Variants in HS3ST5 observed in about 807,000 individuals in gnomAD.
HS3ST5 encodes the protein heparan sulfate-glucosamine 3-sulfotransferase 5.
In HS3ST5, 10 loss-of-function variants were observed where a neutral mutation model predicts 25.4. That is an observed-to-expected ratio of 0.39 (90% CI 0.24 to 0.67). The LOEUF (loss-of-function observed/expected upper bound fraction) is 0.67. Among genes scored for constraint, HS3ST5 ranks in the 30% least tolerant of loss-of-function variants. HS3ST5 has a pLI of 0.44. For synonymous variants in HS3ST5, 170 were observed against 162.4 expected, an observed-to-expected ratio of 1.05 and a Z score of -0.36; for missense variants, 324 against 420.7, an observed-to-expected ratio of 0.77 and a Z score of 2.01.
intron 1 of HS3ST5, among the ~76,000 whole-genome samples, chr6:114,281,223 A>G (rs1774094466): frequency 6.6e-6 from 1 of 151,994 alleles, no homozygotes; most frequent in Non-Finnish European, 1.5e-5. Context: ...CCGTAGTATA[A>G]CTTACATAAT....
At chr6:114,210,975 C>T (rs796823659) in intron 2 of HS3ST5, among the ~76,000 whole-genome samples, 14 of 152,288 alleles carry the variant, frequency 9.2e-5, no homozygotes, top group African/African-American at 3.4e-4. Context: ...ACTCCTCAAC[C>T]CTTTTATAAT....
At chr6:114,088,475 ACCT>A (rs200865909) in intron 3 of HS3ST5, among the ~76,000 whole-genome samples, 2,108 of 150,978 alleles carry the variant, frequency 0.014, 50 homozygotes, top group African/African-American at 0.049. Context: ...ACTGGAAGAA[ACCT>A]CCTCTGATCC....
chr6:114,231,903 G>C (rs1450983816), intron 1 of HS3ST5, among the ~76,000 whole-genome samples: 1 of 152,018 alleles, frequency 6.6e-6, no homozygotes, highest in Non-Finnish European at 1.5e-5. Context: ...ACAGAGCTGA[G>C]AAACAGAAAA....
chr6:114,107,187 A>G (rs1776037527), intron 3 of HS3ST5, among the ~76,000 whole-genome samples: 2 of 152,186 alleles, frequency 1.3e-5, no homozygotes, highest in South Asian at 2.1e-4. Context: ...AACATTTAAA[A>G]AATAATTCAT....
intron 1 of HS3ST5, among the ~76,000 whole-genome samples, chr6:114,304,058 A>C (rs1048124910): frequency 1.3e-5 from 2 of 152,116 alleles, no homozygotes; most frequent in African/African-American, 4.8e-5. Flanking sequence ...TTTCTCTGTA[A>C]CTGATACAAA....
chr6:114,194,293 G>T (rs144621872), intron 2 of HS3ST5, among the ~76,000 whole-genome samples: 1 of 152,046 alleles, frequency 6.6e-6, no homozygotes. Flanking sequence ...TGATCACTTC[G>T]TAAATAAAAA....
chr6:114,246,157 C>G (rs189565363), intron 1 of HS3ST5, among the ~76,000 whole-genome samples: 285 of 152,274 alleles, frequency 1.9e-3, no homozygotes, highest in African/African-American at 6.0e-3. Flanking sequence ...ATTATATTCT[C>G]TGTGAATAAA....
At position 114,262,738 on chromosome 6, in the gene HS3ST5, G is replaced by A. The variant is rs556637120; in HGVS notation, c.-338-33960C>T. On this transcript the variant is annotated intron_variant, in intron 1 of 4. Coordinates refer to ENST00000312719, the MANE Select transcript of HS3ST5 (RefSeq NM_153612.4). ...ATAATATTTAACAATAAAGATAAAA[G>A]CAAAAGGAACTTAAAAACTCAATTA... Among the ~76,000 whole-genome samples, 11 of 152,004 alleles carry A rather than the reference G, an allele frequency of 7.2e-5. No homozygotes were observed. In the South Asian group the frequency reaches 2.1e-3, roughly 29 times the overall value.
intron 3 of HS3ST5, among the ~76,000 whole-genome samples, chr6:114,130,239 C>A (rs907380620): frequency 1.3e-5 from 2 of 152,176 alleles, no homozygotes; most frequent in African/African-American, 4.8e-5. Flanking sequence ...CAGCACCTCC[C>A]TTATCAAGCA....
intron 2 of HS3ST5, among the ~76,000 whole-genome samples, chr6:114,192,408 C>T (rs939085952): frequency 6.6e-6 from 1 of 152,178 alleles, no homozygotes; most frequent in Non-Finnish European, 1.5e-5. Flanking sequence ...CTCAACATTA[C>T]AAAGCTGTTA....
chr6:114,102,229 A>G (rs908025063), intron 3 of HS3ST5, among the ~76,000 whole-genome samples: 15 of 152,232 alleles, frequency 9.9e-5, no homozygotes, highest in Non-Finnish European at 1.9e-4. Context: ...TATTAACTGC[A>G]GAGTTGCCTC....
chr6:114,141,253 A>G (rs1376931539), intron 3 of HS3ST5, among the ~76,000 whole-genome samples: 1 of 152,234 alleles, frequency 6.6e-6, no homozygotes, highest in Non-Finnish European at 1.5e-5. Context: ...TTGAAATGTA[A>G]TCACAGCATT....
chr6:114,118,754 T>C (rs1776648388), intron 3 of HS3ST5, among the ~76,000 whole-genome samples: 1 of 152,232 alleles, frequency 6.6e-6, no homozygotes, highest in Non-Finnish European at 1.5e-5. Context: ...CCATCCCCTT[T>C]AGAAGACAGG....
chr6:114,139,669 A>G (rs1281550730), intron 3 of HS3ST5, among the ~76,000 whole-genome samples: 2 of 152,132 alleles, frequency 1.3e-5, no homozygotes, highest in Non-Finnish European at 2.9e-5. Context: ...TGCCTTGTAG[A>G]ACTTGGACCT....
chr6:114,164,730 T>C (rs1350567200), intron 3 of HS3ST5, among the ~76,000 whole-genome samples: 1 of 152,060 alleles, frequency 6.6e-6, no homozygotes, highest in East Asian at 1.9e-4. Context: ...TAGAAAGAAA[T>C]TTGGGTAATT....
intron 2 of HS3ST5, among the ~76,000 whole-genome samples, chr6:114,215,929 T>C (rs1485414703): frequency 6.6e-6 from 1 of 152,234 alleles, no homozygotes; most frequent in African/African-American, 2.4e-5. Context: ...TGGGATCTAA[T>C]TACTGACATC....
chr6:114,310,723 G>T (rs1775496238), intron 1 of HS3ST5, among the ~76,000 whole-genome samples: 1 of 152,042 alleles, frequency 6.6e-6, no homozygotes, highest in Non-Finnish European at 1.5e-5. Flanking sequence ...TCGTAGAGTT[G>T]AAAAATCATT....
intron 1 of HS3ST5, among the ~76,000 whole-genome samples, chr6:114,291,092 T>A (rs1308916966): frequency 6.6e-6 from 1 of 152,034 alleles, no homozygotes; most frequent in East Asian, 1.9e-4. Context: ...CTATCCAGGG[T>A]AGGGCTGCCT....
At chr6:114,149,124 CTG>C (rs1562216143) in intron 3 of HS3ST5, among the ~76,000 whole-genome samples, 1 of 152,168 alleles carries the variant, frequency 6.6e-6, no homozygotes, top group Non-Finnish European at 1.5e-5. Flanking sequence ...CATTTTTACA[CTG>C]TTGGTGGGAG....
Sources: allele counts gnomAD v4.1 joint callset (sites outside exome capture counted in the v4.1 genomes callset), GRCh38; gene constraint gnomAD v4.1.1; transcripts MANE v1.5; gene names NCBI Gene and HGNC (gene_info 2026-07-23, HGNC 2026-07-21).